UBE2R2: variants seen among roughly 807,000 people sequenced by gnomAD.
UBE2R2 encodes ubiquitin-conjugating enzyme E2 R2.
In UBE2R2, 1 loss-of-function variant was observed where a neutral mutation model predicts 27.8. The ratio of observed to expected loss-of-function variants is 0.04; its 90% CI spans 0.01 to 0.17. The LOEUF is 0.17. Ranked by LOEUF, UBE2R2 falls within the 10% of genes least tolerant of loss-of-function variation. The pLI, the probability that UBE2R2 is intolerant of heterozygous loss-of-function variation, is 1.00. For missense variants in UBE2R2, 100 were observed against 291.0 expected (o/e 0.34, Z 4.78); for synonymous variants, 106 against 113.3 (o/e 0.94, Z 0.41).
chr9:33,877,823 G>GTCTGTCTGTCTC, intron 1 of UBE2R2, among the ~76,000 whole-genome samples: 1 of 131,096 alleles, frequency 7.6e-6, no homozygotes, highest in Non-Finnish European at 1.6e-5. Flanking sequence ...CTGTCTGTCT[G>GTCTGTCTGTCTC]TCTCTCTCTC....
Sources: allele counts gnomAD v4.1 joint callset (sites outside exome capture counted in the v4.1 genomes callset), GRCh38; gene constraint gnomAD v4.1.1; transcripts MANE v1.5; gene names NCBI Gene and HGNC (gene_info 2026-07-23, HGNC 2026-07-21).